RANBP17: variants seen among roughly 807,000 people sequenced by gnomAD.
RANBP17 encodes the protein ran-binding protein 17.
A neutral mutation model predicts 141.2 loss-of-function variants in RANBP17; 158 were observed. That is an observed-to-expected ratio of 1.12 (90% CI 0.98 to 1.28). The LOEUF (loss-of-function observed/expected upper bound fraction) is 1.28, where lower values mean the gene tolerates loss of function less well. Ranked by LOEUF, RANBP17 falls within the 50% of genes most tolerant of loss-of-function variation. The pLI, the probability that RANBP17 is intolerant of heterozygous loss-of-function variation, is 0.00. For missense variants in RANBP17, 1,438 were observed against 1,290.7 expected (o/e 1.11, Z -1.75); for synonymous variants, 430 against 450.0 (o/e 0.96, Z 0.56).
At chr5:171,006,042 T>A (rs1286795726) in intron 14 of RANBP17, among the ~76,000 whole-genome samples, 1 of 151,956 alleles carries the variant, frequency 6.6e-6, no homozygotes, top group Non-Finnish European at 1.5e-5. Flanking sequence ...AAAACCACAA[T>A]GAGATACCAT....
At chr5:171,132,358 T>C (rs896587699) in intron 14 of RANBP17, among the ~76,000 whole-genome samples, 1 of 150,856 alleles carries the variant, frequency 6.6e-6, no homozygotes, top group Non-Finnish European at 1.5e-5. Context: ...TGGAGCAAGT[T>C]GTTTTTCTGA....
chr5:171,016,880 G>A (rs557401778), intron 14 of RANBP17, among the ~76,000 whole-genome samples: 75 of 151,386 alleles, frequency 5.0e-4, no homozygotes, highest in East Asian at 7.8e-4. Flanking sequence ...CTATTGACCC[G>A]TCCTCTTAAG....
intron 14 of RANBP17, among the ~76,000 whole-genome samples, chr5:171,048,858 A>AT (rs934674117): frequency 1.3e-5 from 2 of 152,046 alleles, no homozygotes; most frequent in African/African-American, 4.8e-5. Context: ...TATGTGCCAC[A>AT]TTTTTTTATC....
intron 22 of RANBP17, among the ~76,000 whole-genome samples, chr5:171,223,637 AAAAAT>A (rs1333809626): frequency 3.3e-5 from 5 of 152,244 alleles, no homozygotes; most frequent in Admixed American, 6.5e-5. Context: ...CTCTGTCTCA[AAAAAT>A]AAAATAAAAA....
intron 14 of RANBP17, among the ~76,000 whole-genome samples, chr5:171,040,266 A>G (rs1232164267): frequency 1.3e-5 from 2 of 152,196 alleles, no homozygotes; most frequent in Non-Finnish European, 2.9e-5. Flanking sequence ...ATGAAAAACC[A>G]TATAATCATT....
At chr5:170,962,202 A>C (rs1481295944) in intron 13 of RANBP17, among the ~76,000 whole-genome samples, 1 of 152,172 alleles carries the variant, frequency 6.6e-6, no homozygotes, top group Non-Finnish European at 1.5e-5. Flanking sequence ...GTTATTTTGG[A>C]TTTCATACAC....
At chr5:171,181,098 C>T (rs879843086) in intron 16 of RANBP17, among the ~76,000 whole-genome samples, 1 of 152,156 alleles carries the variant, frequency 6.6e-6, no homozygotes, top group Non-Finnish European at 1.5e-5. Context: ...AGCCCAGTGA[C>T]TGACACTAGG....
chr5:170,963,934 G>GA (rs1306529976), intron 13 of RANBP17, among the ~76,000 whole-genome samples: 4 of 151,730 alleles, frequency 2.6e-5, no homozygotes, highest in African/African-American at 4.8e-5. Context: ...CAGCCAAATA[G>GA]AAAAAAAATC....
At chr5:170,898,285 T>C (rs1770308025) in intron 5 of RANBP17, among the ~76,000 whole-genome samples, 1 of 152,226 alleles carries the variant, frequency 6.6e-6, no homozygotes. Context: ...TGACTAGTGA[T>C]GATGAGCTTT....
chr5:171,215,339 A>G (rs987727253), intron 21 of RANBP17, among the ~76,000 whole-genome samples: 1 of 152,052 alleles, frequency 6.6e-6, no homozygotes, highest in African/African-American at 2.4e-5. Context: ...AATCTTCGCT[A>G]TTGCAAATAG....
rs751335954 is a variant in RANBP17 at position 171,295,874 on chromosome 5, T to G, written c.3043-13T>G. ...TGGAGTCGGAGCTCTGACACTATTC[T>G]GTCTCCCATCAGTATTTCAGTGAAC... On this transcript the variant is annotated splice_polypyrimidine_tract_variant and intron_variant, in intron 26 of 27. Coordinates refer to ENST00000523189, the MANE Select transcript of RANBP17 (RefSeq NM_022897.5). 5.6e-6 allele frequency: 9 copies of G among 1,611,740 alleles called. No homozygotes were observed. In the African/African-American group the frequency reaches 1.2e-4, roughly 22 times the overall value.
At chr5:171,244,610 C>T (rs940912708) in intron 24 of RANBP17, among the ~76,000 whole-genome samples, 3 of 151,958 alleles carry the variant, frequency 2.0e-5, no homozygotes, top group African/African-American at 7.2e-5. Context: ...TCATACCCAG[C>T]TAATTTTTAT....
intron 24 of RANBP17, chr5:171,252,415 C>T (rs1765631153): frequency 6.6e-7 from 1 of 1,522,142 alleles, no homozygotes; most frequent in East Asian, 2.3e-5. Context: ...TTTTTTAGAC[C>T]TGTCTGTTGA....
At chr5:171,182,177 G>C (rs1760901780) in intron 16 of RANBP17, among the ~76,000 whole-genome samples, 1 of 152,280 alleles carries the variant, frequency 6.6e-6, no homozygotes, top group East Asian at 1.9e-4. Context: ...AACATCAATG[G>C]AGCCATATAA....
intron 3 of RANBP17, among the ~76,000 whole-genome samples, chr5:170,887,570 CAT>C (rs1382453028): frequency 2.0e-5 from 3 of 152,188 alleles, no homozygotes; most frequent in Non-Finnish European, 2.9e-5. Flanking sequence ...AGATTCATAA[CAT>C]ATTTTGTTAC....
At chr5:171,064,501 T>A (rs548809337) in intron 14 of RANBP17, among the ~76,000 whole-genome samples, 1 of 152,328 alleles carries the variant, frequency 6.6e-6, no homozygotes, top group East Asian at 1.9e-4. Flanking sequence ...TTTGTTTGTT[T>A]TTTTGTTTGT....
chr5:170,875,195 C>G (rs1438232185), intron 1 of RANBP17, among the ~76,000 whole-genome samples: 2 of 152,160 alleles, frequency 1.3e-5, no homozygotes, highest in African/African-American at 4.8e-5. Flanking sequence ...GCAGAGAGAT[C>G]TGTTGTTAGT....
chr5:170,970,950 G>A (rs371614719), intron 14 of RANBP17, among the ~76,000 whole-genome samples: 7 of 152,080 alleles, frequency 4.6e-5, no homozygotes, highest in East Asian at 1.9e-4. Flanking sequence ...AGCCTGGCAT[G>A]TATGTATTGT....
intron 14 of RANBP17, among the ~76,000 whole-genome samples, chr5:171,134,944 A>G (rs2127796130): frequency 6.6e-6 from 1 of 151,572 alleles, no homozygotes; most frequent in South Asian, 2.1e-4. Flanking sequence ...AATAAATTAA[A>G]TTCCCAAAAC....
Sources: gnomAD v4.1 joint callset for allele counts (sites outside exome capture counted in the v4.1 genomes callset) on GRCh38, gnomAD v4.1.1 for gene constraint, MANE v1.5 for transcripts, NCBI Gene and HGNC (gene_info 2026-07-23, HGNC 2026-07-21) for gene names.